The following NAV2 variants were observed in gnomAD, a reference collection of about 807,000 sequenced individuals.
The protein encoded by NAV2 is helicase, APC down-regulated 1.
Under a neutral mutation model 223.2 loss-of-function variants are expected in NAV2, and 54 were observed. The observed-to-expected ratio is 0.24, with a 90% CI of 0.19 to 0.30. The LOEUF is 0.30. NAV2 is among the 10% of genes least tolerant of loss of function. The pLI is 1.00. For synonymous variants in NAV2, 1,279 were observed against 1,239.3 expected (o/e 1.03, Z -0.67); for missense variants, 2,806 against 3,147.5 (o/e 0.89, Z 2.60).
intron 6 of NAV2, among the ~76,000 whole-genome samples, chr11:19,907,849 T>C (rs2042998981): frequency 6.6e-6 from 1 of 152,222 alleles, no homozygotes; most frequent in Non-Finnish European, 1.5e-5. Context: ...TCTGATTGTC[T>C]TAATGCATCC....
At chr11:19,669,671 T>G (rs2048523525) in intron 1 of NAV2, among the ~76,000 whole-genome samples, 1 of 152,200 alleles carries the variant, frequency 6.6e-6, no homozygotes, top group Non-Finnish European at 1.5e-5. Flanking sequence ...TAGTGAGCCT[T>G]TGAGCCAGAA....
intron 1 of NAV2, among the ~76,000 whole-genome samples, chr11:19,679,203 G>T (rs2048806150): frequency 6.6e-6 from 1 of 152,134 alleles, no homozygotes; most frequent in Admixed American, 6.5e-5. Context: ...GGCTGAGGCG[G>T]GTGGATCACC....
chr11:19,496,380 T>C (rs1189199318), intron 1 of NAV2, among the ~76,000 whole-genome samples: 1 of 152,244 alleles, frequency 6.6e-6, no homozygotes, highest in Non-Finnish European at 1.5e-5. Flanking sequence ...AGATGTTTTC[T>C]GGGGCTGCAT....
intron 1 of NAV2, among the ~76,000 whole-genome samples, chr11:19,464,663 C>T (rs1645848370): frequency 6.6e-6 from 1 of 152,192 alleles, no homozygotes; most frequent in Non-Finnish European, 1.5e-5. Flanking sequence ...TTTCAATCAG[C>T]AAATTTGTCA....
Position 19,514,636 on chromosome 11 carries a change from C to T in NAV2, c.75+163609C>T, listed in dbSNP as rs140357440. 2.4e-3 allele frequency among the ~76,000 whole-genome samples: 373 copies of T among 152,318 alleles called. 2 individuals carry two copies. Among genetic ancestry groups the T allele is most frequent in the Non-Finnish European group, 4.4e-3 (296 of 68,032 alleles). On this transcript the variant is annotated intron_variant, in intron 1 of 37. Coordinates refer to the NAV2 transcript ENST00000360655. Reference sequence around the variant, plus strand: ...GGTCCCTAAATCCATTATGCATTTACTGCCTCGGTGGGGCTCACAAAGGAG... The same window carrying T: ...GGTCCCTAAATCCATTATGCATTTATTGCCTCGGTGGGGCTCACAAAGGAG...
intron 1 of NAV2, among the ~76,000 whole-genome samples, chr11:19,447,573 G>C (rs1013114334): frequency 6.6e-6 from 1 of 152,160 alleles, no homozygotes; most frequent in Non-Finnish European, 1.5e-5. Flanking sequence ...CTTAGCTCAC[G>C]GTCTAGCATT....
chr11:19,658,503 T>C (rs76381976), intron 1 of NAV2, among the ~76,000 whole-genome samples: 3,291 of 152,210 alleles, frequency 0.022, 114 homozygotes, highest in African/African-American at 0.064. Flanking sequence ...AACTTTTACT[T>C]ACCAGCCATA....
chr11:20,098,873 G>A (rs1365109222), intron 31 of NAV2, among the ~76,000 whole-genome samples: 7 of 152,230 alleles, frequency 4.6e-5, no homozygotes, highest in African/African-American at 1.7e-4. Flanking sequence ...AGTGAATCAG[G>A]ACCAGGCCTG....
At chr11:19,359,913 C>T (rs1400042594) in intron 1 of NAV2, among the ~76,000 whole-genome samples, 1 of 152,032 alleles carries the variant, frequency 6.6e-6, no homozygotes, top group East Asian at 1.9e-4. Flanking sequence ...TGGTTTCTTT[C>T]TCTTCCCTCT....
chr11:19,539,565 G>A (rs1434283212), intron 1 of NAV2, among the ~76,000 whole-genome samples: 1 of 152,166 alleles, frequency 6.6e-6, no homozygotes, highest in Non-Finnish European at 1.5e-5. Context: ...ATCATGGTAA[G>A]TTTTAGAGAG....
intron 1 of NAV2, among the ~76,000 whole-genome samples, chr11:19,451,544 G>A (rs1851790294): frequency 6.6e-6 from 1 of 152,214 alleles, no homozygotes; most frequent in Non-Finnish European, 1.5e-5. Context: ...ACTGTCTAAA[G>A]CTGGAGACAG....
At chr11:19,634,818 G>T (rs1207287421) in intron 1 of NAV2, among the ~76,000 whole-genome samples, 1 of 152,152 alleles carries the variant, frequency 6.6e-6, no homozygotes, top group Non-Finnish European at 1.5e-5. Flanking sequence ...AACAAGATAG[G>T]CTTCCCAGAA....
chr11:20,069,343 A>C (rs898451109), intron 22 of NAV2, among the ~76,000 whole-genome samples: 2 of 152,214 alleles, frequency 1.3e-5, no homozygotes, highest in Non-Finnish European at 2.9e-5. Flanking sequence ...GAGGGGACAG[A>C]AGTAGGGAGG....
chr11:19,476,641 C>T (rs890514306), intron 1 of NAV2, among the ~76,000 whole-genome samples: 7 of 152,290 alleles, frequency 4.6e-5, no homozygotes, highest in African/African-American at 1.2e-4. Context: ...TCCAATACAC[C>T]GGGAAGCACA....
At chr11:19,434,363 G>A (rs1413932444) in intron 1 of NAV2, among the ~76,000 whole-genome samples, 1 of 152,190 alleles carries the variant, frequency 6.6e-6, no homozygotes, top group Admixed American at 6.5e-5. Context: ...TTAGGTGATG[G>A]AGAACTGAAG....
At chr11:20,057,786 C>T (rs1351957904) in intron 19 of NAV2, among the ~76,000 whole-genome samples, 2 of 152,316 alleles carry the variant, frequency 1.3e-5, no homozygotes, top group African/African-American at 4.8e-5. Flanking sequence ...ATTACAGTAT[C>T]GTCATCAGAT....
At chr11:19,738,162 G>A (rs1183809447) in intron 1 of NAV2, among the ~76,000 whole-genome samples, 1 of 152,240 alleles carries the variant, frequency 6.6e-6, no homozygotes, top group Non-Finnish European at 1.5e-5. Context: ...TTGGGCTTAT[G>A]GAGAGGTTGA....
intron 22 of NAV2, among the ~76,000 whole-genome samples, chr11:20,072,322 G>A (rs1173847067): frequency 6.6e-6 from 1 of 152,204 alleles, no homozygotes; most frequent in African/African-American, 2.4e-5. Context: ...CCAGTACCAT[G>A]CTGTTTTGGT....
At chr11:19,858,988 C>G (rs1410795990) in intron 3 of NAV2, among the ~76,000 whole-genome samples, 1 of 152,082 alleles carries the variant, frequency 6.6e-6, no homozygotes, top group African/African-American at 2.4e-5. Context: ...CCCACCCAAT[C>G]CTCTCAGTAA....
Sources: allele counts gnomAD v4.1 joint callset (sites outside exome capture counted in the v4.1 genomes callset), GRCh38; gene constraint gnomAD v4.1.1; transcripts MANE v1.5; gene names NCBI Gene and HGNC (gene_info 2026-07-23, HGNC 2026-07-21).